The following SLC4A5 variants were observed in gnomAD, a reference collection of about 807,000 sequenced individuals.
The protein encoded by SLC4A5 is solute carrier family 4 member 5.
Under a neutral mutation model 120.4 loss-of-function variants are expected in SLC4A5, and 96 were observed. The ratio of observed to expected loss-of-function variants is 0.80; its 90% CI spans 0.68 to 0.94. The LOEUF is 0.94. SLC4A5 is among the 40% of genes least tolerant of loss of function. SLC4A5 has a pLI of 0.00. For synonymous variants in SLC4A5, 550 were observed against 571.1 expected, an observed-to-expected ratio of 0.96 and a Z score of 0.53; for missense variants, 1,259 against 1,459.5, an observed-to-expected ratio of 0.86 and a Z score of 2.24.
intron 21 of SLC4A5, among the ~76,000 whole-genome samples, chr2:74,237,503 A>AT (rs1197887557): frequency 6.6e-6 from 1 of 152,090 alleles, no homozygotes; most frequent in Non-Finnish European, 1.5e-5. Context: ...TAAGCAAACT[A>AT]TTTTTTTACT....
intron 25 of SLC4A5, among the ~76,000 whole-genome samples, chr2:74,229,938 G>A (rs2103903797): frequency 6.7e-6 from 1 of 148,820 alleles, no homozygotes; most frequent in East Asian, 2.0e-4. Context: ...CTGGAGTGCA[G>A]TGGCATGATC....
At chr2:74,278,207 G>A (rs955947415) in intron 8 of SLC4A5, among the ~76,000 whole-genome samples, 3 of 152,190 alleles carry the variant, frequency 2.0e-5, no homozygotes, top group African/African-American at 7.2e-5. Context: ...GTTTGCTCCT[G>A]CAGACCAGCT....
intron 8 of SLC4A5, among the ~76,000 whole-genome samples, chr2:74,268,741 C>A (rs1290955303): frequency 2.6e-5 from 4 of 152,174 alleles, no homozygotes; most frequent in Admixed American, 2.6e-4. Context: ...CTAAAGTCTC[C>A]CAGACTTTGG....
chr2:74,312,157 T>C (rs1672823716), intron 6 of SLC4A5, among the ~76,000 whole-genome samples: 1 of 152,216 alleles, frequency 6.6e-6, no homozygotes, highest in Non-Finnish European at 1.5e-5. Context: ...GTTATCATGG[T>C]ATATCTTCCT....
rs1272235972 is a variant in SLC4A5, at chr2:74,296,071, C to T, written c.271+8418G>A. 2.6e-5 allele frequency among the ~76,000 whole-genome samples: 4 copies of T among 152,248 alleles called. No individual in the cohort carries two copies. In the East Asian group the frequency reaches 7.7e-4, roughly 29 times the overall value. On this transcript the variant is annotated intron_variant, in intron 7 of 30. Transcript: ENST00000394019. ...CAAATTCAGGCTCTCAACCCATTTC[C>T]CCTTAAGGTCTTAAGGTCACTAACT... is the stretch of plus-strand genomic sequence containing the variant.
intron 7 of SLC4A5, among the ~76,000 whole-genome samples, chr2:74,304,081 C>T (rs1256767398): frequency 1.3e-5 from 2 of 152,088 alleles, no homozygotes; most frequent in Non-Finnish European, 2.9e-5. Flanking sequence ...GATCTCCTGA[C>T]CTCGTGATCC....
intron 19 of SLC4A5, among the ~76,000 whole-genome samples, chr2:74,243,179 G>A (rs971016816): frequency 1.3e-5 from 2 of 152,094 alleles, no homozygotes; most frequent in Non-Finnish European, 2.9e-5. Flanking sequence ...ATCACATGAC[G>A]GTCTACAGGG....
chr2:74,241,837 G>A (rs1670458448), intron 20 of SLC4A5, among the ~76,000 whole-genome samples, 157 bp downstream of exon 20: 1 of 151,988 alleles, frequency 6.6e-6, no homozygotes, highest in Non-Finnish European at 1.5e-5. Context: ...AGAAAAAAGT[G>A]TTCATTTACA....
intron 7 of SLC4A5, among the ~76,000 whole-genome samples, chr2:74,300,825 A>G (rs575032704): frequency 1.3e-5 from 2 of 152,382 alleles, no homozygotes; most frequent in Non-Finnish European, 2.9e-5. Flanking sequence ...GCATGGAGCC[A>G]GTACAAGAAG....
chr2:74,302,788 C>T (rs1421501952), intron 7 of SLC4A5, among the ~76,000 whole-genome samples: 1 of 152,200 alleles, frequency 6.6e-6, no homozygotes, highest in Admixed American at 6.5e-5. Context: ...GCAGAGGGCA[C>T]CAAATCTAAA....
intron 12 of SLC4A5, among the ~76,000 whole-genome samples, chr2:74,258,920 C>G (rs537967260): frequency 6.6e-6 from 1 of 152,172 alleles, no homozygotes; most frequent in African/African-American, 2.4e-5. Flanking sequence ...TCTCAGGTTT[C>G]CTTTGTCATC....
intron 16 of SLC4A5, 138 bp downstream of exon 16, chr2:74,252,041 G>A: frequency 1.1e-6 from 1 of 924,578 alleles, no homozygotes; most frequent in Non-Finnish European, 1.6e-6. Flanking sequence ...TGGGGTTCAA[G>A]GGCTCTGGGA....
rs899038909 is a variant in SLC4A5, at chr2:74,224,770, T to C, written c.3246+70A>G. ...GCCACCCAAGAAGCCGCCCTCTCCCTGTCCCTGGCAAAAGTGGAGAGAAGG... is the reference window on the plus strand; with the variant it reads ...GCCACCCAAGAAGCCGCCCTCTCCCCGTCCCTGGCAAAAGTGGAGAGAAGG... On this transcript the variant is annotated intron_variant, in intron 28 of 30. Transcript: ENST00000394019. The C allele has an allele frequency of 7.0e-6, 11 of 1,561,288 alleles. No individual in the cohort carries two copies. In the African/African-American group the frequency reaches 1.5e-4, roughly 21 times the overall value.
At chr2:74,241,761 A>G (rs1378179434) in intron 20 of SLC4A5, among the ~76,000 whole-genome samples, 2 of 148,784 alleles carry the variant, frequency 1.3e-5, no homozygotes, top group African/African-American at 4.9e-5. Flanking sequence ...AAAAAAACGC[A>G]CAAAAAAACA....
chr2:74,232,920 G>T (rs1670143403), intron 23 of SLC4A5, among the ~76,000 whole-genome samples: 1 of 152,206 alleles, frequency 6.6e-6, no homozygotes, highest in Non-Finnish European at 1.5e-5. Context: ...GGCCCAGAAG[G>T]TGGCCACAGG....
Position 74,273,827 on chromosome 2 carries a change from G to C in SLC4A5, c.402-8563C>G, listed in dbSNP as rs180869023. On this transcript the variant is annotated intron_variant, in intron 8 of 30. Transcript: ENST00000394019. Reference sequence around the variant, plus strand: ...TACTCCCCTGGTTCAGTCTTTGACAGAGGCACTAAAAAATGATCTGTGGAA... The same window carrying C: ...TACTCCCCTGGTTCAGTCTTTGACACAGGCACTAAAAAATGATCTGTGGAA... Among the ~76,000 whole-genome samples the C allele has an allele frequency of 9.8e-4, 150 of 152,328 alleles. 1 individual carries two copies. Among genetic ancestry groups the C allele is most frequent in the African/African-American group, 3.6e-3 (149 of 41,582 alleles).
intron 7 of SLC4A5, among the ~76,000 whole-genome samples, chr2:74,300,281 T>C (rs1361488671): frequency 6.6e-6 from 1 of 152,208 alleles, no homozygotes. Context: ...GTGACTATAG[T>C]TAATAATACT....
At chr2:74,282,756 C>G (rs1304933345) in intron 8 of SLC4A5, among the ~76,000 whole-genome samples, 1 of 152,188 alleles carries the variant, frequency 6.6e-6, no homozygotes, top group Non-Finnish European at 1.5e-5. Context: ...GATAGGCCCT[C>G]GTGGAGGGTC....
chr2:74,253,132 G>A lies in SLC4A5; in HGVS notation c.1114-4C>T. 1 of 1,614,052 alleles carries A rather than the reference G, an allele frequency of 6.2e-7. No homozygotes were observed. The highest frequency in any genetic ancestry group is 8.5e-7 in the Non-Finnish European group (1 of 1,179,998). On this transcript the variant is annotated splice_region_variant and splice_polypyrimidine_tract_variant and intron_variant, in intron 14 of 30. Transcript: ENST00000394019. ...TGTAGGCCACGTCACTGAAGAGCTG[G>A]CGAGGAGAGAGGAGGGAGAAAAGAA...
Sources: allele counts gnomAD v4.1 joint callset (sites outside exome capture counted in the v4.1 genomes callset), GRCh38; gene constraint gnomAD v4.1.1; transcripts MANE v1.5; gene names NCBI Gene and HGNC (gene_info 2026-07-23, HGNC 2026-07-21).